The following ATF2 variants were observed in gnomAD, a reference collection of about 807,000 sequenced individuals.
ATF2 encodes activating transcription factor 2, also known as cyclic AMP-dependent transcription factor ATF-2.
In ATF2, 24 loss-of-function variants were observed where a neutral mutation model predicts 60.6. The ratio of observed to expected loss-of-function variants is 0.40; its 90% CI spans 0.29 to 0.56. ATF2 has a LOEUF of 0.56. ATF2 is among the 20% of genes least tolerant of loss of function. The pLI, the probability that ATF2 is intolerant of heterozygous loss-of-function variation, is 0.54. For synonymous variants in ATF2, 206 were observed against 215.4 expected, an observed-to-expected ratio of 0.96 and a Z score of 0.38; for missense variants, 433 against 607.7, an observed-to-expected ratio of 0.71 and a Z score of 3.02.
At chr2:175,088,466 T>C (rs2105570952) in intron 12 of ATF2, among the ~76,000 whole-genome samples, 1 of 152,280 alleles carries the variant, frequency 6.6e-6, no homozygotes, top group South Asian at 2.1e-4. Context: ...CATTAACTTA[T>C]GAGTAAATAA....
chr2:175,139,011 T>C (rs141458706), intron 2 of ATF2, among the ~76,000 whole-genome samples: 152 of 152,328 alleles, frequency 1.0e-3, no homozygotes, highest in African/African-American at 3.5e-3. Flanking sequence ...TCACCAACTA[T>C]AATACAAGGG....
chr2:175,103,241 G>A (rs1695425183), intron 10 of ATF2, among the ~76,000 whole-genome samples: 1 of 152,182 alleles, frequency 6.6e-6, no homozygotes, highest in South Asian at 2.1e-4. Context: ...GCTCATCAGA[G>A]TAATAACCCT....
intron 12 of ATF2, among the ~76,000 whole-genome samples, chr2:175,085,901 C>A (rs2105560704): frequency 6.6e-6 from 1 of 152,242 alleles, no homozygotes; most frequent in East Asian, 1.9e-4. Context: ...AAAACTTTTG[C>A]ACATTCTTTT....
At chr2:175,152,703 G>C (rs980464353) in intron 1 of ATF2, among the ~76,000 whole-genome samples, 51 of 152,234 alleles carry the variant, frequency 3.4e-4, no homozygotes, top group African/African-American at 1.0e-3. Flanking sequence ...TTAAAACACT[G>C]TTGTATCAGA....
At chr2:175,130,256 A>C in intron 3 of ATF2, 49 bp from the exon 4 acceptor site, 1 of 1,156,480 alleles carries the variant, frequency 8.6e-7, no homozygotes, top group Non-Finnish European at 1.2e-6. Flanking sequence ...AAAATAAAGA[A>C]TAATTTAAAA....
intron 2 of ATF2, among the ~76,000 whole-genome samples, chr2:175,150,762 C>T (rs928812552): frequency 6.6e-6 from 1 of 151,998 alleles, no homozygotes; most frequent in African/African-American, 2.4e-5. Context: ...ATATCGGAAC[C>T]CTTTGCTAAA....
In ATF2 at chr2:175,136,316, ACAC is replaced by A. The variant is rs1698140770; in HGVS notation, c.32+93_32+95del. 4 of 1,185,726 alleles carry A rather than the reference ACAC, an allele frequency of 3.4e-6. No homozygotes were observed. The Admixed American group carries it at 8.1e-5, about 24-fold the overall frequency. 73.5% of individuals were successfully genotyped at this position (1,185,726 alleles called of 1,614,324 possible). On this transcript the variant is annotated intron_variant, in intron 3 of 13. Coordinates refer to ENST00000264110, the MANE Select transcript of ATF2 (RefSeq NM_001880.4). Reference sequence around the variant, plus strand: ...AGTGACTTGTTTTGTATGGAAAAAAACACCACAAATACTTACCTAATAGAAACA... The same window carrying A: ...AGTGACTTGTTTTGTATGGAAAAAAACACAAATACTTACCTAATAGAAACA...
intron 4 of ATF2, among the ~76,000 whole-genome samples, chr2:175,122,230 C>T (rs1697011162): frequency 6.6e-6 from 1 of 151,742 alleles, no homozygotes; most frequent in Admixed American, 6.6e-5. Context: ...TTTTTCCTAC[C>T]TCTAACTTGG....
chr2:175,159,069 G>A (rs897485795), intron 1 of ATF2, among the ~76,000 whole-genome samples: 5 of 152,098 alleles, frequency 3.3e-5, no homozygotes, highest in African/African-American at 1.2e-4. Context: ...TGTAATCCCA[G>A]CACTTTGGGA....
intron 10 of ATF2, among the ~76,000 whole-genome samples, chr2:175,107,529 C>T (rs1342894167): frequency 7.6e-6 from 1 of 130,870 alleles, no homozygotes; most frequent in Non-Finnish European, 1.5e-5. Flanking sequence ...GTGGCTCCCT[C>T]TCCCTCTCCC....
intron 10 of ATF2, among the ~76,000 whole-genome samples, chr2:175,102,399 T>C (rs999932583): frequency 5.9e-5 from 9 of 152,246 alleles, no homozygotes; most frequent in Non-Finnish European, 1.0e-4. Flanking sequence ...AGATCAAAAA[T>C]CTCTCTCAAT....
At chr2:175,091,654 G>A (rs1373081220) in intron 12 of ATF2, among the ~76,000 whole-genome samples, 2 of 152,130 alleles carry the variant, frequency 1.3e-5, no homozygotes, top group South Asian at 4.1e-4. Flanking sequence ...CCTGAGGTCA[G>A]GAGTTCGAGA....
intron 12 of ATF2, among the ~76,000 whole-genome samples, chr2:175,086,638 G>C (rs1291894008): frequency 6.6e-6 from 1 of 152,034 alleles, no homozygotes; most frequent in Non-Finnish European, 1.5e-5. Flanking sequence ...TGAACTCCCA[G>C]CCTCAAGTGA....
At chr2:175,114,948 C>T (rs1696447659) in intron 7 of ATF2, 80 bp from the exon 8 acceptor site, 2 of 1,341,764 alleles carry the variant, frequency 1.5e-6, no homozygotes, top group Non-Finnish European at 2.0e-6. Flanking sequence ...TAACACACTT[C>T]TAAAAGCATC....
chr2:175,078,143 T>A (rs757890133), intron 13 of ATF2, among the ~76,000 whole-genome samples: 11 of 152,242 alleles, frequency 7.2e-5, no homozygotes, highest in Non-Finnish European at 1.5e-4. Flanking sequence ...TTTTTAAACT[T>A]TATTTTTTGT....
chr2:175,096,367 A>C (rs1211115156), intron 11 of ATF2, among the ~76,000 whole-genome samples: 2 of 152,226 alleles, frequency 1.3e-5, no homozygotes. Context: ...GATGTTTCAC[A>C]AGTTTTAATT....
chr2:175,155,574 G>A (rs935342584), intron 1 of ATF2, among the ~76,000 whole-genome samples: 4 of 152,212 alleles, frequency 2.6e-5, no homozygotes, highest in Admixed American at 6.5e-5. Context: ...AGGGAGTTCC[G>A]CAAGAATGAA....
intron 2 of ATF2, among the ~76,000 whole-genome samples, chr2:175,150,298 C>A (rs2105809538): frequency 6.6e-6 from 1 of 152,104 alleles, no homozygotes; most frequent in East Asian, 1.9e-4. Context: ...CCAGGTGTGA[C>A]AAAAAACCCA....
chr2:175,131,308 C>T (rs1697708558), intron 3 of ATF2, among the ~76,000 whole-genome samples: 1 of 152,204 alleles, frequency 6.6e-6, no homozygotes, highest in African/African-American at 2.4e-5. Flanking sequence ...AGTCATCATT[C>T]CTGTCCTCAT....
Sources: allele counts gnomAD v4.1 joint callset (sites outside exome capture counted in the v4.1 genomes callset), GRCh38; gene constraint gnomAD v4.1.1; transcripts MANE v1.5; gene names NCBI Gene and HGNC (gene_info 2026-07-23, HGNC 2026-07-21).